Variants in GALNT17 observed in about 807,000 individuals in gnomAD.
GALNT17 encodes UDP-GalNAc:polypeptide N-acetylgalactosaminyltransferase-like 3.
A neutral mutation model predicts 63.7 loss-of-function variants in GALNT17; 29 were observed. The ratio of observed to expected loss-of-function variants is 0.46; its 90% CI spans 0.34 to 0.62. The LOEUF is 0.62. GALNT17 is among the 20% of genes least tolerant of loss of function. The probability of loss-of-function intolerance (pLI) is 0.01; values close to 1 mark genes in which losing one functional copy is unlikely to be tolerated. For synonymous variants in GALNT17, 305 were observed against 318.3 expected (o/e 0.96, Z 0.45); for missense variants, 603 against 799.6 (o/e 0.75, Z 2.97).
At chr7:71,253,697 C>T (rs1020530125) in intron 1 of GALNT17, among the ~76,000 whole-genome samples, 3 of 152,052 alleles carry the variant, frequency 2.0e-5, no homozygotes, top group Non-Finnish European at 1.5e-5. Context: ...AACTGAGACT[C>T]GAGTCAGTCA....
intron 3 of GALNT17, among the ~76,000 whole-genome samples, chr7:71,390,312 C>G (rs1323036116): frequency 6.6e-6 from 1 of 152,110 alleles, no homozygotes; most frequent in Non-Finnish European, 1.5e-5. Context: ...ATTTAATCAG[C>G]CTGGGAGCTG....
At chr7:71,141,876 G>GTGTGTGTA (rs1235068643) in intron 1 of GALNT17, among the ~76,000 whole-genome samples, 2 of 132,582 alleles carry the variant, frequency 1.5e-5, no homozygotes, top group East Asian at 5.1e-4. Context: ...GTGTGTGTGT[G>GTGTGTGTA]TGTATGTGTG....
At chr7:71,280,724 C>T (rs913873231) in intron 1 of GALNT17, among the ~76,000 whole-genome samples, 1 of 152,100 alleles carries the variant, frequency 6.6e-6, no homozygotes, top group Non-Finnish European at 1.5e-5. Flanking sequence ...AGATTTTCAC[C>T]CCTGGAGAAA....
Position 71,132,954 on chromosome 7 carries a change from T to G in GALNT17, c.152T>G (p.Leu51Arg). 3 of 1,609,860 alleles carry G rather than the reference T, an allele frequency of 1.9e-6. No individual in the cohort carries two copies. Among genetic ancestry groups the G allele is most frequent in the Non-Finnish European group, 2.5e-6 (3 of 1,179,204 alleles). ...CGGCCGCGCGCCGAGGTGGCCAACCTCAGCGCGCACAGCGCCAGCCCCATC... is the reference window on the plus strand; with the variant it reads ...CGGCCGCGCGCCGAGGTGGCCAACCGCAGCGCGCACAGCGCCAGCCCCATC... ...EIRPRAEVAN[L>R]SAHSASPIQD... The change falls in exon 1 of 11, where the codon CTC (leucine) becomes CGC (arginine). Residue 51 changes from leucine (L) to arginine (R), a missense_variant. Physicochemically the swap from Leu to Arg is moderately radical, Grantham distance 102 (BLOSUM62 -2). Around this residue, in one of 3 missense-constraint regions of GALNT17, gnomAD observed 195 missense variants for 215.0 expected, o/e 0.91. Coordinates refer to ENST00000333538, the MANE Select transcript of GALNT17 (RefSeq NM_022479.3).
chr7:71,576,529 TTGTGTGTGTGTGTG>T (rs3048366), intron 6 of GALNT17, among the ~76,000 whole-genome samples: 2 of 142,908 alleles, frequency 1.4e-5, no homozygotes, highest in African/African-American at 5.2e-5. Context: ...TTTTTTAACT[TTGTGTGTGTGTGTG>T]TGTGTGTGTG....
intron 1 of GALNT17, among the ~76,000 whole-genome samples, chr7:71,251,025 A>G (rs1171429517): frequency 2.6e-5 from 4 of 152,062 alleles, no homozygotes; most frequent in African/African-American, 9.7e-5. Context: ...TTATTTATTT[A>G]TTTTTTGTTA....
At chr7:71,137,726 C>G (rs1787814512) in intron 1 of GALNT17, among the ~76,000 whole-genome samples, 1 of 152,160 alleles carries the variant, frequency 6.6e-6, no homozygotes, top group Non-Finnish European at 1.5e-5. Flanking sequence ...CTGAAGGGAA[C>G]GAGATCCTTC....
At chr7:71,408,131 G>A (rs1282926594) in intron 3 of GALNT17, among the ~76,000 whole-genome samples, 3 of 152,176 alleles carry the variant, frequency 2.0e-5, no homozygotes, top group Non-Finnish European at 4.4e-5. Context: ...GAACGACCTG[G>A]GGGTGCTGGC....
chr7:71,197,298 C>A (rs1240815463), intron 1 of GALNT17, among the ~76,000 whole-genome samples: 1 of 145,438 alleles, frequency 6.9e-6, no homozygotes, highest in Non-Finnish European at 1.5e-5. Flanking sequence ...CTCCTGGTTT[C>A]ACGCCATTCG....
chr7:71,153,569 A>G (rs774817941), intron 1 of GALNT17, among the ~76,000 whole-genome samples: 2 of 152,116 alleles, frequency 1.3e-5, no homozygotes, highest in Non-Finnish European at 2.9e-5. Flanking sequence ...AAGCCATGAA[A>G]AATTCAATCT....
chr7:71,240,674 TC>T (rs376313557), intron 1 of GALNT17, among the ~76,000 whole-genome samples: 1,939 of 135,012 alleles, frequency 0.014, 48 homozygotes, highest in Middle Eastern at 0.024. Flanking sequence ...TTTCTTTTTT[TC>T]CTTTTTTTTG....
chr7:71,452,911 T>G (rs1315117952), intron 5 of GALNT17, among the ~76,000 whole-genome samples: 1 of 152,198 alleles, frequency 6.6e-6, no homozygotes, highest in Admixed American at 6.5e-5. Flanking sequence ...TTTTCTCAAT[T>G]TTTCTCCATC....
intron 2 of GALNT17, among the ~76,000 whole-genome samples, chr7:71,358,813 G>T (rs1375218362): frequency 5.3e-5 from 8 of 149,668 alleles, no homozygotes; most frequent in Admixed American, 1.3e-4. Context: ...CGCTCTTGTT[G>T]CCCAGGCTGG....
intron 1 of GALNT17, among the ~76,000 whole-genome samples, chr7:71,162,115 C>CCTT (rs1788356038): frequency 4.3e-5 from 2 of 46,262 alleles, no homozygotes; most frequent in Admixed American, 2.3e-4. Flanking sequence ...CTTCCTCCCT[C>CCTT]CCTCCCTCCC....
At chr7:71,439,919 A>G (rs1009577348) in intron 5 of GALNT17, among the ~76,000 whole-genome samples, 1 of 149,702 alleles carries the variant, frequency 6.7e-6, no homozygotes, top group African/African-American at 2.5e-5. Context: ...AGATGGTTCC[A>G]GAGTGTTTCA....
At chr7:71,642,552 C>A (rs748095104) in intron 6 of GALNT17, among the ~76,000 whole-genome samples, 28 of 152,166 alleles carry the variant, frequency 1.8e-4, no homozygotes, top group Non-Finnish European at 3.1e-4. Flanking sequence ...CTTCTAGATT[C>A]TTGACTGGGT....
At chr7:71,701,784 T>C (rs1358798808) in intron 9 of GALNT17, among the ~76,000 whole-genome samples, 1 of 62,508 alleles carries the variant, frequency 1.6e-5, no homozygotes, top group Non-Finnish European at 2.8e-5. Context: ...TGTGTGTGTG[T>C]ATATATATGT....
intron 1 of GALNT17, among the ~76,000 whole-genome samples, chr7:71,312,616 T>G (rs1166864966): frequency 2.0e-5 from 3 of 152,144 alleles, no homozygotes; most frequent in African/African-American, 4.8e-5. Flanking sequence ...GGTTTGCAGG[T>G]AGTGACCTTC....
At chr7:71,548,257 A>G (rs926154388) in intron 5 of GALNT17, among the ~76,000 whole-genome samples, 4 of 149,482 alleles carry the variant, frequency 2.7e-5, no homozygotes, top group African/African-American at 9.8e-5. Context: ...AAAAAAAAAA[A>G]GTTAATAGAA....
Sources: allele counts gnomAD v4.1 joint callset (sites outside exome capture counted in the v4.1 genomes callset), GRCh38; gene constraint gnomAD v4.1.1; regional missense constraint gnomAD v4.1.1; transcripts MANE v1.5; gene names NCBI Gene and HGNC (gene_info 2026-07-23, HGNC 2026-07-21).